Variants in LINGO2 observed in about 807,000 individuals in gnomAD.
LINGO2 encodes the protein leucine rich repeat and Ig domain containing 2.
A neutral mutation model predicts 30.6 loss-of-function variants in LINGO2; 14 were observed. The ratio of observed to expected loss-of-function variants is 0.46; its 90% CI spans 0.30 to 0.72. The LOEUF (loss-of-function observed/expected upper bound fraction) is 0.72. Ranked by LOEUF, LINGO2 falls within the 30% of genes least tolerant of loss-of-function variation. The pLI is 0.07. For missense variants in LINGO2, 729 were observed against 751.7 expected (o/e 0.97, Z 0.35); for synonymous variants, 317 against 288.5 (o/e 1.10, Z -1.00).
chr9:28,856,900 T>C, the LINGO2 span, among the ~76,000 whole-genome samples: 1 of 152,024 alleles, frequency 6.6e-6, no homozygotes, highest in Non-Finnish European at 1.5e-5. Flanking sequence ...ATTTAAGATA[T>C]GTAGTAAAAA....
At chr9:28,482,580 T>A (rs1427750572) in intron 1 of LINGO2, among the ~76,000 whole-genome samples, 1 of 152,190 alleles carries the variant, frequency 6.6e-6, no homozygotes, top group Non-Finnish European at 1.5e-5. Context: ...AGGTTGCCTG[T>A]TCACTCTGAT....
chr9:28,558,162 A>G (rs1313124946), intron 1 of LINGO2, among the ~76,000 whole-genome samples: 1 of 147,002 alleles, frequency 6.8e-6, no homozygotes, highest in East Asian at 2.0e-4. Context: ...TAAAAATAGA[A>G]TAAAACCAAA....
chr9:28,998,203 CTGTTT>C, the LINGO2 span, among the ~76,000 whole-genome samples: 1 of 151,998 alleles, frequency 6.6e-6, no homozygotes, highest in Non-Finnish European at 1.5e-5. Context: ...TTATTAATGC[CTGTTT>C]TGTTTGTGGA....
At chr9:28,635,837 A>T (rs1349063765) in intron 1 of LINGO2, among the ~76,000 whole-genome samples, 1 of 152,098 alleles carries the variant, frequency 6.6e-6, no homozygotes, top group Non-Finnish European at 1.5e-5. Flanking sequence ...TGTTTGTTTT[A>T]TTATACTTTA....
intron 1 of LINGO2, among the ~76,000 whole-genome samples, chr9:28,547,658 A>G (rs1235362337): frequency 6.6e-6 from 1 of 152,180 alleles, no homozygotes; most frequent in African/African-American, 2.4e-5. Context: ...GAAATGAAAT[A>G]CAGTGCTAAC....
chr9:28,478,110 T>A (rs919846907), intron 1 of LINGO2, among the ~76,000 whole-genome samples: 1 of 152,112 alleles, frequency 6.6e-6, no homozygotes, highest in African/African-American at 2.4e-5. Flanking sequence ...TCTGTTTAAT[T>A]ATCTATTATC....
At chr9:28,968,677 C>G in the LINGO2 span, among the ~76,000 whole-genome samples, 1 of 152,084 alleles carries the variant, frequency 6.6e-6, no homozygotes, top group African/African-American at 2.4e-5. Context: ...AATTAGATCT[C>G]AGAAGTCCTT....
the LINGO2 span, among the ~76,000 whole-genome samples, chr9:29,053,265 T>A: frequency 6.6e-6 from 1 of 152,168 alleles, no homozygotes; most frequent in South Asian, 2.1e-4. Flanking sequence ...TGAAGAAAGT[T>A]CAGTTGGGCT....
chr9:28,727,080 T>C, the LINGO2 span, among the ~76,000 whole-genome samples: 1 of 152,152 alleles, frequency 6.6e-6, no homozygotes, highest in Admixed American at 6.5e-5. Flanking sequence ...TGCATGCAAA[T>C]ATAAGAATGT....
the LINGO2 span, among the ~76,000 whole-genome samples, chr9:29,044,920 A>G: frequency 6.6e-6 from 1 of 152,106 alleles, no homozygotes; most frequent in Non-Finnish European, 1.5e-5. Context: ...AAGTATAACA[A>G]CATACTCTAG....
the LINGO2 span, among the ~76,000 whole-genome samples, chr9:28,973,467 A>G: frequency 1.8e-4 from 27 of 152,146 alleles, no homozygotes; most frequent in Non-Finnish European, 3.5e-4. Flanking sequence ...AGATAATTGA[A>G]TCATGGGGGT....
At chr9:28,054,624 G>C (rs556039510) in intron 4 of LINGO2, among the ~76,000 whole-genome samples, 1 of 152,162 alleles carries the variant, frequency 6.6e-6, no homozygotes, top group South Asian at 2.1e-4. Flanking sequence ...CCTCAAAAGT[G>C]AACAAAAACA....
At chr9:29,112,203 A>G in the LINGO2 span, among the ~76,000 whole-genome samples, 1 of 145,920 alleles carries the variant, frequency 6.9e-6, no homozygotes, top group South Asian at 2.1e-4. Flanking sequence ...ATTATTTTTC[A>G]TAATTGCTCA....
At chr9:27,981,883 C>T (rs780153644) in intron 5 of LINGO2, among the ~76,000 whole-genome samples, 1 of 151,824 alleles carries the variant, frequency 6.6e-6, no homozygotes, top group Non-Finnish European at 1.5e-5. Flanking sequence ...TGTTCAAAGG[C>T]TGATTTTAGA....
chr9:29,087,589 ACT>A, the LINGO2 span, among the ~76,000 whole-genome samples: 9 of 151,834 alleles, frequency 5.9e-5, no homozygotes, highest in South Asian at 1.9e-3. Flanking sequence ...CAAGACTGGG[ACT>A]CTCTCGCTCA....
chr9:28,921,714 C>T, the LINGO2 span, among the ~76,000 whole-genome samples: 112,707 of 151,938 alleles, frequency 0.74, 41,938 homozygotes, highest in Non-Finnish European at 0.78. Flanking sequence ...TTCCATTCAT[C>T]CTTCCACATC....
At chr9:28,745,454 T>A in the LINGO2 span, among the ~76,000 whole-genome samples, 1 of 152,064 alleles carries the variant, frequency 6.6e-6, no homozygotes, top group East Asian at 1.9e-4. Flanking sequence ...AAATGCCAAA[T>A]TCTTTCTGTT....
At chr9:28,473,225 G>C (rs1564222754) in intron 2 of LINGO2, among the ~76,000 whole-genome samples, 1 of 151,764 alleles carries the variant, frequency 6.6e-6, no homozygotes, top group African/African-American at 2.4e-5. Context: ...TCAGCAGAAA[G>C]CTTCTAAGCT....
chr9:28,538,525 T>C (rs1381825368), intron 1 of LINGO2, among the ~76,000 whole-genome samples: 4 of 152,148 alleles, frequency 2.6e-5, no homozygotes, highest in Admixed American at 2.6e-4. Context: ...AAAAAGAAAC[T>C]TGACTAACGT....
Sources: allele counts gnomAD v4.1 joint callset (sites outside exome capture counted in the v4.1 genomes callset), GRCh38; gene constraint gnomAD v4.1.1; transcripts MANE v1.5; gene names NCBI Gene and HGNC (gene_info 2026-07-23, HGNC 2026-07-21).